Variants in GRB2 observed in about 807,000 individuals in gnomAD.
GRB2 encodes growth factor receptor bound protein 2.
Under a neutral mutation model 27.4 loss-of-function variants are expected in GRB2, and 2 were observed. That is an observed-to-expected ratio of 0.07 (90% CI 0.03 to 0.23). GRB2 has a LOEUF of 0.23. GRB2 is among the 10% of genes least tolerant of loss of function. The pLI, the probability that GRB2 is intolerant of heterozygous loss-of-function variation, is 1.00. For missense variants in GRB2, 102 were observed against 282.4 expected, an observed-to-expected ratio of 0.36 and a Z score of 4.58; for synonymous variants, 94 against 99.6, an observed-to-expected ratio of 0.94 and a Z score of 0.33.
At chr17:75,399,380 T>G (rs1397622233) in intron 1 of GRB2, among the ~76,000 whole-genome samples, 3 of 150,112 alleles carry the variant, frequency 2.0e-5, no homozygotes, top group African/African-American at 7.4e-5. Flanking sequence ...TTTTTTTTTT[T>G]TTTTTGAGAT....
chr17:75,334,076 G>A (rs146800926), intron 2 of GRB2, among the ~76,000 whole-genome samples: 1 of 152,214 alleles, frequency 6.6e-6, no homozygotes, highest in Non-Finnish European at 1.5e-5. Flanking sequence ...ACCTCCAGTG[G>A]GTGCCTGAAA....
intron 2 of GRB2, among the ~76,000 whole-genome samples, chr17:75,366,528 C>T (rs868557597): frequency 4.0e-4 from 59 of 148,676 alleles, no homozygotes; most frequent in African/African-American, 1.4e-3. Context: ...GGCCAGCTGC[C>T]GTGGCTCACA....
At chr17:75,322,985 G>A (rs906071321) in intron 4 of GRB2, among the ~76,000 whole-genome samples, 5 of 151,976 alleles carry the variant, frequency 3.3e-5, no homozygotes, top group Admixed American at 1.3e-4. Flanking sequence ...CAGGTGTGGT[G>A]GCAGATGCCT....
At chr17:75,358,700 T>C (rs1415921424) in intron 2 of GRB2, among the ~76,000 whole-genome samples, 1 of 66,284 alleles carries the variant, frequency 1.5e-5, no homozygotes, top group Non-Finnish European at 3.0e-5. Context: ...CCATCTCTAC[T>C]AAAAAAAAAA....
chr17:75,390,368 T>A (rs1245707717), intron 2 of GRB2, among the ~76,000 whole-genome samples: 1 of 152,188 alleles, frequency 6.6e-6, no homozygotes, highest in East Asian at 1.9e-4. Flanking sequence ...AAGTTTTATG[T>A]GCTCTAGTGT....
At chr17:75,355,997 A>T (rs1264661844) in intron 2 of GRB2, among the ~76,000 whole-genome samples, 5 of 149,980 alleles carry the variant, frequency 3.3e-5, no homozygotes, top group African/African-American at 1.2e-4. Context: ...TGCCCGGCTA[A>T]TTTTTTTTTG....
intron 2 of GRB2, among the ~76,000 whole-genome samples, chr17:75,356,787 A>T (rs4789176): frequency 0.66 from 100,839 of 152,068 alleles, 39,033 homozygotes; most frequent in East Asian, 0.91. Flanking sequence ...CATTTCCTTC[A>T]CCTTGAAGCA....
At chr17:75,395,570 T>A (rs2079024372) in intron 1 of GRB2, among the ~76,000 whole-genome samples, 1 of 152,190 alleles carries the variant, frequency 6.6e-6, no homozygotes. Context: ...CACTCTCGAT[T>A]TTGTTTTTTG....
At chr17:75,321,529 A>G (rs1340895607) in intron 5 of GRB2, 130 bp downstream of exon 5, 1 of 774,716 alleles carries the variant, frequency 1.3e-6, no homozygotes, top group African/African-American at 1.7e-5. Flanking sequence ...AGTAAGGAGC[A>G]CAGAAGCCCC....
intron 2 of GRB2, among the ~76,000 whole-genome samples, chr17:75,343,929 T>C (rs2078638425): frequency 6.6e-6 from 1 of 152,168 alleles, no homozygotes; most frequent in African/African-American, 2.4e-5. Flanking sequence ...AATCATATGA[T>C]GACCTGTACT....
At chr17:75,405,282 G>A (rs989271588) in intron 1 of GRB2, 3 of 152,532 alleles carry the variant, frequency 2.0e-5, no homozygotes, top group African/African-American at 7.2e-5. Flanking sequence ...AGAGCCAAGA[G>A]CCGGAGGAGG....
chr17:75,391,412 C>T (rs559913252), intron 2 of GRB2, among the ~76,000 whole-genome samples: 22 of 152,260 alleles, frequency 1.4e-4, no homozygotes, highest in African/African-American at 4.8e-4. Context: ...TTTACACTTG[C>T]TCCAGAATTT....
chr17:75,364,147 T>C (rs1376275518), intron 2 of GRB2, among the ~76,000 whole-genome samples: 2 of 152,114 alleles, frequency 1.3e-5, no homozygotes, highest in Non-Finnish European at 2.9e-5. Context: ...CTATCTCCCA[T>C]ATTACCTTGC....
intron 2 of GRB2, among the ~76,000 whole-genome samples, chr17:75,358,899 T>TATATATA (rs1182151184): frequency 2.6e-5 from 2 of 77,532 alleles, no homozygotes; most frequent in East Asian, 4.7e-4. Flanking sequence ...AAAAAAAAAA[T>TATATATA]TATATATATA....
intron 4 of GRB2, among the ~76,000 whole-genome samples, chr17:75,324,507 GTTTTTTTTTTTTTTT>G (rs767194304): frequency 2.2e-4 from 8 of 36,706 alleles, no homozygotes; most frequent in African/African-American, 6.6e-4. Flanking sequence ...ACCGCACCCA[GTTTTTTTTTTTTTTT>G]TTTTTTTTTT....
At chr17:75,325,703 A>T (rs1295778083) in intron 4 of GRB2, among the ~76,000 whole-genome samples, 195 bp downstream of exon 4, 2 of 152,242 alleles carry the variant, frequency 1.3e-5, no homozygotes, top group Non-Finnish European at 2.9e-5. Flanking sequence ...GGCTGTGTCC[A>T]CATGGGAATC....
intron 2 of GRB2, among the ~76,000 whole-genome samples, chr17:75,351,671 T>C (rs143846886): frequency 9.1e-4 from 138 of 152,074 alleles, no homozygotes; most frequent in Middle Eastern, 3.4e-3. Flanking sequence ...AAAAGTTTAA[T>C]TATTCTCCAC....
chr17:75,328,638 A>G (rs1405842514), intron 3 of GRB2, among the ~76,000 whole-genome samples: 3 of 146,446 alleles, frequency 2.0e-5, no homozygotes, highest in Non-Finnish European at 4.5e-5. Context: ...GTGAAACTCC[A>G]TCTCAAAAAA....
At chr17:75,385,029 CAAAA>C (rs58860615) in intron 2 of GRB2, among the ~76,000 whole-genome samples, 14 of 55,320 alleles carry the variant, frequency 2.5e-4, no homozygotes, top group African/African-American at 7.5e-4. Context: ...CTGGCTCTAC[CAAAA>C]AAAAAAAAAA....
Sources: gnomAD v4.1 joint callset for allele counts (sites outside exome capture counted in the v4.1 genomes callset) on GRCh38, gnomAD v4.1.1 for gene constraint, MANE v1.5 for transcripts, NCBI Gene and HGNC (gene_info 2026-07-23, HGNC 2026-07-21) for gene names.